The following SPTLC3 variants were observed in gnomAD, a reference collection of about 807,000 sequenced individuals.
The protein encoded by SPTLC3 is serine palmitoyltransferase long chain base subunit 3, also known as serine palmitoyltransferase 3.
Under a neutral mutation model 59.3 loss-of-function variants are expected in SPTLC3, and 36 were observed. The ratio of observed to expected loss-of-function variants is 0.61; its 90% CI spans 0.47 to 0.80. The LOEUF (loss-of-function observed/expected upper bound fraction) is 0.80, where lower values mean the gene tolerates loss of function less well. Ranked by LOEUF, SPTLC3 falls within the 30% of genes least tolerant of loss-of-function variation. The pLI is 0.00. For missense variants in SPTLC3, 625 were observed against 685.1 expected (o/e 0.91, Z 0.98); for synonymous variants, 257 against 240.8 (o/e 1.07, Z -0.62).
intron 4 of SPTLC3, among the ~76,000 whole-genome samples, chr20:13,085,773 G>T (rs1568594867): frequency 6.6e-6 from 1 of 152,102 alleles, no homozygotes; most frequent in Non-Finnish European, 1.5e-5. Flanking sequence ...TAGAATATTG[G>T]TACTTTATCT....
intron 2 of SPTLC3, among the ~76,000 whole-genome samples, chr20:13,064,372 A>G (rs2983306): frequency 0.41 from 61,816 of 150,062 alleles, 12,781 homozygotes; most frequent in Middle Eastern, 0.56. Context: ...GTACAGTTGC[A>G]CGATCTTGTC....
intron 1 of SPTLC3, among the ~76,000 whole-genome samples, chr20:13,027,089 G>A (rs1986184952): frequency 6.6e-6 from 1 of 152,170 alleles, no homozygotes; most frequent in Non-Finnish European, 1.5e-5. Context: ...CCGTTCATTG[G>A]TTTCCTTCCC....
rs370693774 is a variant in SPTLC3 at position 13,167,579 on chromosome 20, G to C, written c.*2712G>C. 2 of 152,278 alleles carry C rather than the reference G, an allele frequency of 1.3e-5. No individual in the cohort carries two copies. Among genetic ancestry groups the C allele is most frequent in the East Asian group, 3.9e-4 (2 of 5,188 alleles). The allele number at this position is 152,278 out of a possible 1,614,324, so 9.4% of individuals were successfully genotyped here. A position where few individuals can be genotyped will look rare whatever the true frequency, so the allele number is the denominator to read the frequency against. On this transcript the variant is annotated 3_prime_UTR_variant, in exon 12 of 12. Transcript: ENST00000399002. ...TGACCTCAGGAAAGCAGAAGATAAA[G>C]GTTCCAGATGATATTTGTAAGGAGG...
chr20:13,091,096 G>A lies in SPTLC3; in HGVS notation c.621G>A (p.Lys207=), dbSNP rs753089256. 3 of 1,613,872 alleles carry A rather than the reference G, an allele frequency of 1.9e-6. No homozygotes were observed. Among genetic ancestry groups the A allele is most frequent in the Non-Finnish European group, 2.5e-6 (3 of 1,179,816 alleles). The change falls in exon 5 of 12, where the codon AAG becomes AAA. Residue 207 remains lysine (K), a synonymous_variant. Transcript: ENST00000399002. Reference sequence around the variant, plus strand: ...TTTTATGTGCAGGCACCTTGGATAAGCACAAGGAGTTGGAGGACCTTGTGG... The same window carrying A: ...TTTTATGTGCAGGCACCTTGGATAAACACAAGGAGTTGGAGGACCTTGTGG... ...STRHEMGTLD[K]HKELEDLVAK...
chr20:13,065,709 C>T (rs111518882), intron 2 of SPTLC3, among the ~76,000 whole-genome samples: 2 of 52,676 alleles, frequency 3.8e-5, no homozygotes, highest in African/African-American at 1.2e-4. Context: ...AAATACTTCT[C>T]CTTTTATACT....
intron 6 of SPTLC3, 23 bp from the exon 7 acceptor site, chr20:13,110,089 T>A (rs2122701316): frequency 2.5e-6 from 4 of 1,576,870 alleles, no homozygotes; most frequent in East Asian, 2.2e-5. Context: ...TGACTCAATT[T>A]TTTTTTTTGG....
At chr20:13,062,799 CA>C (rs1249322937) in intron 2 of SPTLC3, among the ~76,000 whole-genome samples, 1 of 152,172 alleles carries the variant, frequency 6.6e-6, no homozygotes, top group Non-Finnish European at 1.5e-5. Flanking sequence ...AGAACTACTT[CA>C]TTCCTTTTAA....
At chr20:13,086,987 GT>G (rs1218742718) in intron 4 of SPTLC3, among the ~76,000 whole-genome samples, 1 of 152,042 alleles carries the variant, frequency 6.6e-6, no homozygotes, top group Non-Finnish European at 1.5e-5. Flanking sequence ...TAGAGATGGG[GT>G]TCTCACTGTA....
chr20:13,153,947 CT>C (rs762490723), intron 9 of SPTLC3, 55 bp from the exon 10 acceptor site: 48 of 1,598,922 alleles, frequency 3.0e-5, no homozygotes, highest in Non-Finnish European at 4.0e-5. Flanking sequence ...TTGACCGGAC[CT>C]TTACTTCCCT....
intron 6 of SPTLC3, among the ~76,000 whole-genome samples, chr20:13,101,899 C>G (rs569179914): frequency 2.0e-5 from 3 of 152,218 alleles, no homozygotes; most frequent in Non-Finnish European, 4.4e-5. Context: ...CAACCTCGGT[C>G]CTCAAGTGAG....
intron 1 of SPTLC3, among the ~76,000 whole-genome samples, chr20:13,022,180 G>A (rs540637059): frequency 9.2e-5 from 14 of 152,220 alleles, no homozygotes; most frequent in South Asian, 2.1e-4. Context: ...GGTGCCATTC[G>A]TGACTTTTCT....
intron 4 of SPTLC3, among the ~76,000 whole-genome samples, chr20:13,089,617 C>G (rs1351130126): frequency 6.6e-6 from 1 of 151,946 alleles, no homozygotes; most frequent in African/African-American, 2.4e-5. Context: ...GAAACCTCGT[C>G]TCTACTAAAA....
chr20:13,136,627 T>C (rs1336884053), intron 9 of SPTLC3, among the ~76,000 whole-genome samples: 2 of 144,826 alleles, frequency 1.4e-5, no homozygotes, highest in Non-Finnish European at 3.0e-5. Flanking sequence ...ATAATATACA[T>C]ATAAAAATTA....
intron 8 of SPTLC3, among the ~76,000 whole-genome samples, chr20:13,119,639 C>G (rs73085868): frequency 1.1e-3 from 170 of 152,282 alleles, no homozygotes; most frequent in Non-Finnish European, 2.0e-3. Context: ...CCTTTTTCCT[C>G]CCCACCTTTC....
intron 4 of SPTLC3, chr20:13,079,997 C>A: frequency 3.9e-6 from 1 of 254,006 alleles, no homozygotes; most frequent in African/African-American, 2.3e-5. Flanking sequence ...CCCACAGAAA[C>A]CTGAAGGGAA....
At chr20:13,157,115 A>G (rs918410353) in intron 10 of SPTLC3, among the ~76,000 whole-genome samples, 7 of 152,102 alleles carry the variant, frequency 4.6e-5, no homozygotes, top group Non-Finnish European at 1.0e-4. Context: ...TAGTTTATAA[A>G]TGAAGATGCT....
At chr20:13,057,468 C>G (rs1987775262) in intron 2 of SPTLC3, among the ~76,000 whole-genome samples, 1 of 152,148 alleles carries the variant, frequency 6.6e-6, no homozygotes, top group South Asian at 2.1e-4. Context: ...TCTCATACAG[C>G]CTTCCATTCA....
At chr20:13,157,000 T>G (rs1254118709) in intron 10 of SPTLC3, among the ~76,000 whole-genome samples, 1 of 152,170 alleles carries the variant, frequency 6.6e-6, no homozygotes, top group East Asian at 1.9e-4. Flanking sequence ...TCTTTCAACT[T>G]AAGATTGTTT....
chr20:13,145,714 G>T (rs2038493982), intron 9 of SPTLC3, among the ~76,000 whole-genome samples: 1 of 152,130 alleles, frequency 6.6e-6, no homozygotes, highest in African/African-American at 2.4e-5. Context: ...AAAGCTGGAG[G>T]CATCATGTTA....
Sources: allele counts gnomAD v4.1 joint callset (sites outside exome capture counted in the v4.1 genomes callset), GRCh38; gene constraint gnomAD v4.1.1; transcripts MANE v1.5; gene names NCBI Gene and HGNC (gene_info 2026-07-23, HGNC 2026-07-21).